ATP13A3: variants seen among roughly 807,000 people sequenced by gnomAD.
ATP13A3 encodes the protein ATPase 13A3.
In ATP13A3, 59 loss-of-function variants were observed where a neutral mutation model predicts 158.1. That is an observed-to-expected ratio of 0.37 (90% CI 0.30 to 0.46). The LOEUF (loss-of-function observed/expected upper bound fraction) is 0.46, where lower values mean the gene tolerates loss of function less well. Ranked by LOEUF, ATP13A3 falls within the 20% of genes least tolerant of loss-of-function variation. ATP13A3 has a pLI of 1.00. For synonymous variants in ATP13A3, 491 were observed against 504.3 expected, an observed-to-expected ratio of 0.97 and a Z score of 0.35; for missense variants, 1,166 against 1,525.2, an observed-to-expected ratio of 0.76 and a Z score of 3.92.
chr3:194,406,100 C>T lies in ATP13A3; in HGVS notation c.3590G>A (p.Trp1197Ter). 1 of 1,614,114 alleles carries T rather than the reference C, an allele frequency of 6.2e-7. No individual in the cohort carries two copies. Among genetic ancestry groups the T allele is most frequent in the Non-Finnish European group, 8.5e-7 (1 of 1,180,022 alleles). The change falls in exon 34 of 34, where the codon TGG (tryptophan) becomes TAG (stop). Residue 1197 changes from tryptophan to a stop codon, truncating the protein, a stop_gained. Coordinates refer to ENST00000645319, the MANE Select transcript of ATP13A3 (RefSeq NM_001367549.1). LOFTEE classifies it high-confidence loss of function. ...TQPPQESVDR[W>*]GKCCLPWALG... ...GGCCCAGGGTAAGCAGCATTTTCCC[C>T]ACCGATCCACTGACTCCTAAGAAAA...
chr3:194,446,864 A>T, intron 14 of ATP13A3, 63 bp downstream of exon 14: 1 of 1,391,870 alleles, frequency 7.2e-7, no homozygotes. Context: ...AATAAAAAAC[A>T]TTGATCTAAA....
rs551075238 is a variant in ATP13A3, at chr3:194,475,646, T to A, written c.-47+10148A>T. Among the ~76,000 whole-genome samples, 7 of 152,228 alleles carry A rather than the reference T, an allele frequency of 4.6e-5. No homozygotes were observed. In the South Asian group the frequency reaches 1.5e-3, roughly 32 times the overall value. ...AATCACCTTATTCACAGCACAACCA[T>A]CATAAAAATGTTAACTTTCTAACCT... On this transcript the variant is annotated intron_variant, in intron 2 of 33. Transcript: ENST00000645319.
chr3:194,430,287 C>T lies in ATP13A3; in HGVS notation c.2653G>A (p.Ala885Thr), dbSNP rs370715345. 5.7e-5 allele frequency: 92 copies of T among 1,613,518 alleles called. No individual in the cohort carries two copies. Among genetic ancestry groups the T allele is most frequent in the Middle Eastern group, 1.6e-4 (1 of 6,084 alleles). The change falls in exon 25 of 34, where the codon GCA (alanine) becomes ACA (threonine). Residue 885 changes from alanine (A) to threonine (T), a missense_variant. Physicochemically the swap from Ala to Thr is moderately conservative, Grantham distance 58. Coordinates refer to ENST00000645319, the MANE Select transcript of ATP13A3 (RefSeq NM_001367549.1). ...ACTATACTTACACCACAATCATTTGCGCCATCACCACACATCCCAACAAAA... is the reference window on the plus strand; with the variant it reads ...ACTATACTTACACCACAATCATTTGTGCCATCACCACACATCCCAACAAAA... ...DYFVGMCGDG[A>T]NDCGALKRAH... is the part of the protein sequence containing the mutation.
intron 16 of ATP13A3, among the ~76,000 whole-genome samples, chr3:194,439,877 T>C (rs1039405001): frequency 2.0e-5 from 3 of 152,224 alleles, no homozygotes; most frequent in Non-Finnish European, 4.4e-5. Flanking sequence ...TGAAAATCTA[T>C]TCAGTTGGAG....
intron 33 of ATP13A3, among the ~76,000 whole-genome samples, chr3:194,408,512 G>A (rs1715120422): frequency 6.6e-6 from 1 of 152,168 alleles, no homozygotes; most frequent in Non-Finnish European, 1.5e-5. Context: ...TCAATTCACT[G>A]TTCCCTACTT....
In ATP13A3 at chr3:194,430,119, G is replaced by T; in HGVS notation, c.2730C>A (p.Pro910=). ...AAATACTAGGAGTCTTAGAGGTAAA[G>T]GGAGATGCCACTGAAGCTTCGAGCT... The part of the protein sequence containing the change: ...LSELEASVAS[P]FTSKTPSISC... Residue 910 remains proline, a synonymous_variant, in exon 26 of 34, where the codon CCC becomes CCA. Coordinates refer to ENST00000645319, the MANE Select transcript of ATP13A3 (RefSeq NM_001367549.1). 6.2e-7 allele frequency: 1 copy of T among 1,614,134 alleles called. No homozygotes were observed. Among genetic ancestry groups the T allele is most frequent in the Non-Finnish European group, 8.5e-7 (1 of 1,180,010 alleles).
At chr3:194,439,526 G>A (rs1258739622) in intron 16 of ATP13A3, among the ~76,000 whole-genome samples, 4 of 152,184 alleles carry the variant, frequency 2.6e-5, no homozygotes, top group African/African-American at 9.7e-5. Flanking sequence ...GAAGAAAAAC[G>A]TATATTAAAC....
At chr3:194,447,763 C>G (rs1718503343) in intron 13 of ATP13A3, 89 bp downstream of exon 13, 12 of 1,214,284 alleles carry the variant, frequency 9.9e-6, no homozygotes, top group Non-Finnish European at 1.3e-5. Flanking sequence ...TTTAGTTCCT[C>G]ATTCTCAGTA....
intron 31 of ATP13A3, among the ~76,000 whole-genome samples, chr3:194,417,629 A>G (rs1715959596): frequency 6.6e-6 from 1 of 151,912 alleles, no homozygotes; most frequent in African/African-American, 2.4e-5. Flanking sequence ...TCCCTAAAAC[A>G]CTATTAGTCA....
At chr3:194,464,182 G>A (rs140425704) in intron 2 of ATP13A3, among the ~76,000 whole-genome samples, 6 of 152,274 alleles carry the variant, frequency 3.9e-5, no homozygotes, top group African/African-American at 1.4e-4. Context: ...GGGTCTGTCT[G>A]TACAGTTACT....
Position 194,494,241 on chromosome 3 carries a change from C to T in ATP13A3, n.555G>A, listed in dbSNP as rs1461541992. On this transcript the variant is annotated non_coding_transcript_exon_variant, in exon 2 of 33. Coordinates refer to the ATP13A3 transcript ENST00000687055. This position sits in a 1 kb window ranked among gnomAD's most constrained non-coding sequence, Gnocchi z 4.2. ...GACCTTCCTCAGCCACATCTGGATC[C>T]TCAGCCCCTCACAGCACACAGCGGT... is the stretch of plus-strand genomic sequence containing the variant. 1 of 398,544 alleles carries T rather than the reference C, an allele frequency of 2.5e-6. No individual in the cohort carries two copies. The highest frequency in any genetic ancestry group is 4.4e-6 in the Non-Finnish European group (1 of 226,118). 24.7% of individuals were successfully genotyped at this position (398,544 alleles called of 1,614,324 possible).
chr3:194,463,194 G>A (rs1007936893), intron 2 of ATP13A3, among the ~76,000 whole-genome samples: 4 of 151,878 alleles, frequency 2.6e-5, no homozygotes, highest in South Asian at 2.1e-4. Context: ...TCCATCATTC[G>A]ATTCCAAGTC....
chr3:194,428,148 G>A (rs1716944541), intron 28 of ATP13A3, among the ~76,000 whole-genome samples: 1 of 151,214 alleles, frequency 6.6e-6, no homozygotes, highest in African/African-American at 2.4e-5. Context: ...TTGAACTCGG[G>A]AGGCGGAGGT....
intron 10 of ATP13A3, chr3:194,451,908 T>C (rs1718835937): frequency 6.6e-6 from 1 of 152,468 alleles, no homozygotes; most frequent in Non-Finnish European, 1.5e-5. Flanking sequence ...CATTTAAGTA[T>C]CTTTTGAACT....
At chr3:194,425,250 T>G in intron 30 of ATP13A3, 92 bp downstream of exon 30, 1 of 1,200,496 alleles carries the variant, frequency 8.3e-7, no homozygotes, top group Non-Finnish European at 1.2e-6. Flanking sequence ...GAAGATCTGG[T>G]TTACTGTGGC....
intron 10 of ATP13A3, 106 bp from the exon 11 acceptor site, chr3:194,450,382 A>G (rs1718720289): frequency 9.1e-7 from 1 of 1,099,784 alleles, no homozygotes; most frequent in South Asian, 1.6e-5. Context: ...GAAGTTTATA[A>G]TGGGGTAAAA....
At chr3:194,489,777 A>G (rs944954110), upstream of ATP13A3, among the ~76,000 whole-genome samples, 43 of 152,226 alleles carry the variant, frequency 2.8e-4, no homozygotes, top group African/African-American at 1.0e-3. The surrounding 1 kb of genome is among the most constrained non-coding windows in gnomAD (Gnocchi z 4.1). Flanking sequence ...GAATGGTGAA[A>G]AAAGGAATTT....
In ATP13A3 at chr3:194,448,278, C is replaced by G. The variant is rs1434878138; in HGVS notation, c.1150+179G>C. ...TAATTTTGGTAGAGACGGGGTTTCACCATGTTAGCCAGGATGGTCTCAATC... is the reference window on the plus strand; with the variant it reads ...TAATTTTGGTAGAGACGGGGTTTCAGCATGTTAGCCAGGATGGTCTCAATC... On this transcript the variant is annotated intron_variant, in intron 12 of 33. Transcript: ENST00000645319. The surrounding 1 kb of genome is among the most constrained non-coding windows in gnomAD (Gnocchi z 4.0). Among the ~76,000 whole-genome samples the G allele has an allele frequency of 6.6e-6, 1 of 152,156 alleles. No homozygotes were observed. The highest frequency in any genetic ancestry group is 1.5e-5 in the Non-Finnish European group (1 of 68,032).
chr3:194,479,524 G>A (rs1255096681), intron 2 of ATP13A3, among the ~76,000 whole-genome samples: 1 of 151,708 alleles, frequency 6.6e-6, no homozygotes, highest in Non-Finnish European at 1.5e-5. Context: ...GACTTAAGAA[G>A]CTAAGGCATG....
Sources: allele counts gnomAD v4.1 joint callset (sites outside exome capture counted in the v4.1 genomes callset), GRCh38; gene constraint gnomAD v4.1.1; non-coding constraint Gnocchi (gnomAD v3.1); transcripts MANE v1.5; gene names NCBI Gene and HGNC (gene_info 2026-07-23, HGNC 2026-07-21).